Variants in PUS7 observed in about 807,000 individuals in gnomAD.
The protein encoded by PUS7 is pseudouridine synthase 7.
PUS7 carries 48 observed loss-of-function variants against 79.8 expected under a neutral mutation model. That is an observed-to-expected ratio of 0.60 (90% CI 0.48 to 0.76). The LOEUF is 0.76. Ranked by LOEUF, PUS7 falls within the 30% of genes least tolerant of loss-of-function variation. The probability of loss-of-function intolerance (pLI) is 0.00; values close to 1 mark genes in which losing one functional copy is unlikely to be tolerated. For synonymous variants in PUS7, 286 were observed against 272.2 expected (o/e 1.05, Z -0.50); for missense variants, 729 against 797.6 (o/e 0.91, Z 1.04).
In PUS7 at chr7:105,459,242, T is replaced by C; in HGVS notation, c.1775A>G (p.Asp592Gly). ...QNVSWEVVAYDDPKIPLFNTD... is the reference protein window; with the variant it reads ...QNVSWEVVAYGDPKIPLFNTD... ...GTTGAAAAGTGGAATTTTGGGATCA[T>C]CATATGCAACGACTTCCCTTCAAAA... is the stretch of plus-strand genomic sequence containing the variant. Residue 592 changes from aspartate (D) to glycine (G), a missense_variant, in exon 15 of 16, where the codon GAT becomes GGT. Asp to Gly is a moderately conservative substitution (Grantham distance 94, BLOSUM62 -1). Coordinates refer to ENST00000469408, the MANE Select transcript of PUS7 (RefSeq NM_019042.5). The C allele has an allele frequency of 1.2e-6, 2 of 1,610,678 alleles. No individual in the cohort carries two copies. The highest frequency in any genetic ancestry group is 1.7e-6 in the Non-Finnish European group (2 of 1,177,720).
intron 1 of PUS7, among the ~76,000 whole-genome samples, chr7:105,509,457 A>C (rs1825621340): frequency 6.6e-6 from 1 of 151,858 alleles, no homozygotes; most frequent in African/African-American, 2.4e-5. Context: ...AGCTCTAAGG[A>C]TATTCATCTC....
intron 9 of PUS7, among the ~76,000 whole-genome samples, chr7:105,479,247 T>C (rs1013353912): frequency 6.6e-6 from 1 of 152,158 alleles, no homozygotes; most frequent in African/African-American, 2.4e-5. Flanking sequence ...CTTTTTAACC[T>C]CCTCAAAGAG....
chr7:105,515,159 C>T (rs1424084820), intron 1 of PUS7, among the ~76,000 whole-genome samples: 1 of 152,122 alleles, frequency 6.6e-6, no homozygotes, highest in African/African-American at 2.4e-5. Flanking sequence ...TGGTGTCCTG[C>T]TTATGCTTAA....
chr7:105,486,197 C>T (rs530796565), intron 7 of PUS7, among the ~76,000 whole-genome samples: 254 of 152,010 alleles, frequency 1.7e-3, no homozygotes, highest in African/African-American at 5.8e-3. Flanking sequence ...GGATTACAGA[C>T]GCCTGCCACC....
intron 1 of PUS7, among the ~76,000 whole-genome samples, chr7:105,508,956 G>A (rs1170884547): frequency 3.4e-5 from 5 of 145,726 alleles, no homozygotes; most frequent in East Asian, 2.0e-4. Context: ...CGAGGTGGGC[G>A]GATCACAAGG....
At chr7:105,487,484 T>C (rs1054832597) in intron 7 of PUS7, among the ~76,000 whole-genome samples, 2 of 152,172 alleles carry the variant, frequency 1.3e-5, no homozygotes, top group African/African-American at 4.8e-5. Flanking sequence ...TAGACATCCA[T>C]CTCTAAATTC....
intron 10 of PUS7, among the ~76,000 whole-genome samples, chr7:105,471,873 T>C (rs1481611579): frequency 1.3e-5 from 2 of 148,962 alleles, no homozygotes; most frequent in Non-Finnish European, 1.5e-5. Context: ...GATCATGCCA[T>C]TGCACTCCAG....
At chr7:105,505,548 C>T (rs531262173) in intron 4 of PUS7, among the ~76,000 whole-genome samples, 3 of 152,100 alleles carry the variant, frequency 2.0e-5, no homozygotes, top group Non-Finnish European at 4.4e-5. Context: ...ATAATTGGTA[C>T]TCTGGGATTC....
intron 12 of PUS7, among the ~76,000 whole-genome samples, chr7:105,466,512 C>T (rs1424411479): frequency 4.3e-4 from 66 of 152,062 alleles, no homozygotes; most frequent in Non-Finnish European, 1.0e-4. Flanking sequence ...CCTGGCCTCC[C>T]AAAGTACTGG....
At position 105,457,755 on chromosome 7, in the gene PUS7, TGTGTA is replaced by T; in HGVS notation, c.*30_*34del. The T allele has an allele frequency of 6.2e-7, 1 of 1,605,946 alleles. No homozygotes were observed. Among genetic ancestry groups the T allele is most frequent in the Non-Finnish European group, 8.5e-7 (1 of 1,175,240 alleles). On this transcript the variant is annotated 3_prime_UTR_variant, in exon 16 of 16. Coordinates refer to ENST00000469408, the MANE Select transcript of PUS7 (RefSeq NM_019042.5). ...CACAGGGAGCCAGGAAGCAAACACT[TGTGTA>T]CGTTTTCTAATCTGTGGACAAGGTA...
At chr7:105,488,313 TA>T (rs1279910144) in intron 7 of PUS7, among the ~76,000 whole-genome samples, 1 of 152,106 alleles carries the variant, frequency 6.6e-6, no homozygotes, top group East Asian at 1.9e-4. Flanking sequence ...GTCCCCATCA[TA>T]ACACCATGCT....
At chr7:105,505,923 A>C (rs929732554) in intron 4 of PUS7, 32 bp downstream of exon 4, 2 of 1,542,876 alleles carry the variant, frequency 1.3e-6, no homozygotes, top group Non-Finnish European at 1.8e-6. Flanking sequence ...TAAAACCCTA[A>C]ATAATTTTTC....
At chr7:105,519,863 T>C (rs981424774) in intron 1 of PUS7, among the ~76,000 whole-genome samples, 1 of 152,136 alleles carries the variant, frequency 6.6e-6, no homozygotes, top group Non-Finnish European at 1.5e-5. Flanking sequence ...CAGGAAAAGA[T>C]GTGTGTGAGG....
intron 6 of PUS7, among the ~76,000 whole-genome samples, chr7:105,492,367 C>T (rs1824822988): frequency 6.6e-6 from 1 of 152,048 alleles, no homozygotes; most frequent in Non-Finnish European, 1.5e-5. Context: ...CTCTGTCACC[C>T]AGGCTGGAGT....
intron 1 of PUS7, among the ~76,000 whole-genome samples, chr7:105,521,554 CT>C (rs1826113028): frequency 6.6e-6 from 1 of 152,216 alleles, no homozygotes; most frequent in Non-Finnish European, 1.5e-5. Flanking sequence ...GCCTAGTAGG[CT>C]CCCAGTGAGC....
intron 1 of PUS7, among the ~76,000 whole-genome samples, chr7:105,518,987 C>A (rs1461644254): frequency 2.0e-5 from 3 of 152,060 alleles, no homozygotes; most frequent in Admixed American, 1.3e-4. Flanking sequence ...CCAAGATTGT[C>A]TCGAACTCCT....
chr7:105,521,229 GGGATGGGGGGGAGGGAACCT>G, intron 1 of PUS7, among the ~76,000 whole-genome samples: 1 of 147,334 alleles, frequency 6.8e-6, no homozygotes, highest in Admixed American at 6.8e-5. Context: ...TAGAGGCTTG[GGGATGGGGGGGAGGGAACCT>G]TAGTAACCCT....
intron 6 of PUS7, among the ~76,000 whole-genome samples, chr7:105,492,890 G>A (rs939257753): frequency 5.9e-5 from 9 of 151,994 alleles, no homozygotes; most frequent in Non-Finnish European, 1.0e-4. Context: ...TGATCCACCC[G>A]CCTCGGCCTC....
chr7:105,510,825 C>T (rs17343556), intron 1 of PUS7, among the ~76,000 whole-genome samples: 20,857 of 151,906 alleles, frequency 0.14, 1,854 homozygotes, highest in South Asian at 0.26. Flanking sequence ...TAATTTGATG[C>T]TCTTGGTAAA....
Sources: allele counts gnomAD v4.1 joint callset (sites outside exome capture counted in the v4.1 genomes callset), GRCh38; gene constraint gnomAD v4.1.1; transcripts MANE v1.5; gene names NCBI Gene and HGNC (gene_info 2026-07-23, HGNC 2026-07-21).